Variants in ADAMTSL1 observed in about 807,000 individuals in gnomAD.
ADAMTSL1 encodes ADAMTS like 1.
Under a neutral mutation model 201.8 loss-of-function variants are expected in ADAMTSL1, and 126 were observed. The ratio of observed to expected loss-of-function variants is 0.62; its 90% CI spans 0.54 to 0.72. The LOEUF (loss-of-function observed/expected upper bound fraction) is 0.72, where lower values mean the gene tolerates loss of function less well. ADAMTSL1 is among the 30% of genes least tolerant of loss of function. The pLI is 0.00. For synonymous variants in ADAMTSL1, 1,121 were observed against 903.4 expected (o/e 1.24, Z -4.32); for missense variants, 2,679 against 2,277.8 (o/e 1.18, Z -3.59).
chr9:18,898,728 A>G (rs1247843968), intron 26 of ADAMTSL1, among the ~76,000 whole-genome samples: 3 of 152,230 alleles, frequency 2.0e-5, no homozygotes, highest in Non-Finnish European at 4.4e-5. Context: ...TAGACACAGG[A>G]AAGCCCTTTA....
intron 2 of ADAMTSL1, among the ~76,000 whole-genome samples, chr9:18,251,715 G>C (rs981897286): frequency 6.6e-6 from 1 of 152,154 alleles, no homozygotes; most frequent in African/African-American, 2.4e-5. Flanking sequence ...ATTGTTATCA[G>C]TTGTTTCTAT....
At chr9:18,374,371 G>A (rs1452785973) in intron 2 of ADAMTSL1, among the ~76,000 whole-genome samples, 2 of 150,722 alleles carry the variant, frequency 1.3e-5, no homozygotes, top group South Asian at 4.2e-4. Flanking sequence ...GTCTCACTCT[G>A]TCACCCAGCA....
intron 7 of ADAMTSL1, among the ~76,000 whole-genome samples, chr9:18,645,591 T>A (rs551912231): frequency 6.6e-6 from 1 of 152,096 alleles, no homozygotes; most frequent in South Asian, 2.1e-4. Flanking sequence ...GGATCCAGTT[T>A]CAGCTTTCTA....
intron 15 of ADAMTSL1, among the ~76,000 whole-genome samples, chr9:18,731,621 A>T (rs964349292): frequency 6.6e-6 from 1 of 152,184 alleles, no homozygotes; most frequent in African/African-American, 2.4e-5. Context: ...AAGAAAAAAA[A>T]GGAAGAAAAA....
chr9:18,474,913 A>G (rs1563982339), intron 1 of ADAMTSL1, among the ~76,000 whole-genome samples: 3 of 152,118 alleles, frequency 2.0e-5, no homozygotes, highest in Admixed American at 6.5e-5. Flanking sequence ...AGGAATGGTG[A>G]CTTTTAGTAC....
chr9:18,313,426 G>A (rs1834231287), intron 2 of ADAMTSL1, among the ~76,000 whole-genome samples: 1 of 152,036 alleles, frequency 6.6e-6, no homozygotes, highest in Admixed American at 6.6e-5. Flanking sequence ...TTAAAGAAGT[G>A]GTTCTTAACT....
chr9:18,902,346 A>T (rs1830061093), intron 26 of ADAMTSL1, among the ~76,000 whole-genome samples: 1 of 152,216 alleles, frequency 6.6e-6, no homozygotes, highest in Non-Finnish European at 1.5e-5. Context: ...CCAAAAAAGG[A>T]CTATATGTTA....
At chr9:18,737,398 T>G (rs1000762161) in intron 15 of ADAMTSL1, among the ~76,000 whole-genome samples, 6 of 149,022 alleles carry the variant, frequency 4.0e-5, no homozygotes, top group African/African-American at 1.2e-4. Context: ...CCAGATAATA[T>G]GGATGGATCA....
intron 2 of ADAMTSL1, among the ~76,000 whole-genome samples, chr9:18,399,976 T>C (rs546044088): frequency 6.6e-6 from 1 of 152,298 alleles, no homozygotes; most frequent in Non-Finnish European, 1.5e-5. Context: ...AGATATACTG[T>C]AGCACTGAGG....
At chr9:18,780,442 G>T (rs1473001116) in intron 19 of ADAMTSL1, among the ~76,000 whole-genome samples, 1 of 152,168 alleles carries the variant, frequency 6.6e-6, no homozygotes, top group Non-Finnish European at 1.5e-5. Flanking sequence ...GTGATCACAA[G>T]AGTTTGAGAA....
intron 16 of ADAMTSL1, among the ~76,000 whole-genome samples, chr9:18,763,957 T>G (rs114489634): frequency 3.3e-5 from 5 of 152,182 alleles, no homozygotes; most frequent in Non-Finnish European, 7.4e-5. Flanking sequence ...TTGTTTTGCT[T>G]AGGATAGCTT....
chr9:17,930,990 T>C (rs181995668), intron 1 of ADAMTSL1, among the ~76,000 whole-genome samples: 1 of 152,184 alleles, frequency 6.6e-6, no homozygotes, highest in African/African-American at 2.4e-5. Flanking sequence ...AATGTGCTAT[T>C]TTCGTTCCCA....
intron 2 of ADAMTSL1, among the ~76,000 whole-genome samples, chr9:18,400,742 T>C (rs1817955115): frequency 6.6e-6 from 1 of 152,154 alleles, no homozygotes; most frequent in South Asian, 2.1e-4. Context: ...CAAACCTTGC[T>C]TTTACTCATT....
intron 14 of ADAMTSL1, among the ~76,000 whole-genome samples, chr9:18,709,912 T>G (rs1832455765): frequency 6.6e-6 from 1 of 152,222 alleles, no homozygotes; most frequent in South Asian, 2.1e-4. Context: ...TCCTCTCTAC[T>G]TTTTGCTTCT....
chr9:18,172,932 G>C (rs932862928), intron 2 of ADAMTSL1, among the ~76,000 whole-genome samples: 6 of 152,074 alleles, frequency 3.9e-5, no homozygotes, highest in Non-Finnish European at 8.8e-5. Context: ...TATAAAGACA[G>C]AGGTGCGAAA....
intron 3 of ADAMTSL1, among the ~76,000 whole-genome samples, chr9:18,565,514 C>T (rs1484252988): frequency 6.7e-6 from 1 of 148,444 alleles, no homozygotes; most frequent in Non-Finnish European, 1.5e-5. Context: ...GAGTTTTAAA[C>T]TATACCTAGT....
chr9:18,642,769 T>G (rs980167643), intron 7 of ADAMTSL1, among the ~76,000 whole-genome samples: 5 of 152,026 alleles, frequency 3.3e-5, no homozygotes, highest in African/African-American at 1.2e-4. Context: ...ATTTTCTTCT[T>G]TTTTCAAAGC....
intron 4 of ADAMTSL1, among the ~76,000 whole-genome samples, chr9:18,600,826 G>A (rs887751908): frequency 6.6e-6 from 1 of 152,096 alleles, no homozygotes; most frequent in African/African-American, 2.4e-5. Flanking sequence ...TAAACTCTTA[G>A]CCTGTACCTA....
chr9:18,297,594 G>A (rs1833523574), intron 2 of ADAMTSL1, among the ~76,000 whole-genome samples: 1 of 152,214 alleles, frequency 6.6e-6, no homozygotes, highest in African/African-American at 2.4e-5. Context: ...AAAAGGTCAT[G>A]TGCTTAATAT....
Sources: gnomAD v4.1 joint callset for allele counts (sites outside exome capture counted in the v4.1 genomes callset) on GRCh38, gnomAD v4.1.1 for gene constraint, MANE v1.5 for transcripts, NCBI Gene and HGNC (gene_info 2026-07-23, HGNC 2026-07-21) for gene names.